The following FAAH2 variants were observed in gnomAD, a reference collection of about 807,000 sequenced individuals.
FAAH2 encodes the protein fatty acid amide hydrolase 2.
FAAH2 carries 60 observed loss-of-function variants against 36.9 expected under a neutral mutation model. The ratio of observed to expected loss-of-function variants is 1.63; its 90% CI spans 1.32 to 2.02. The LOEUF (loss-of-function observed/expected upper bound fraction) is 2.02, where lower values mean the gene tolerates loss of function less well. Among genes scored for constraint, FAAH2 ranks in the 30% most tolerant of loss-of-function variants. The probability of loss-of-function intolerance (pLI) is 0.00; values close to 1 mark genes in which losing one functional copy is unlikely to be tolerated. For missense variants in FAAH2, 689 were observed against 397.5 expected (o/e 1.73, Z -6.23); for synonymous variants, 214 against 143.8 (o/e 1.49, Z -3.49).
rs755479954 is a variant in FAAH2 at position 57,341,295 on chromosome X, C to G, written c.647C>G (p.Ala216Gly). The G allele has an allele frequency of 8.3e-7, 1 of 1,208,500 alleles. No homozygotes were observed. Among genetic ancestry groups the G allele is most frequent in the Non-Finnish European group, 1.1e-6 (1 of 893,618 alleles). Residue 216 changes from alanine (A) to glycine (G), a missense_variant, in exon 5 of 11, where the codon GCT (alanine) becomes GGT (glycine). Physicochemically the swap from Ala to Gly is moderately conservative, Grantham distance 60 (BLOSUM62 0). Transcript: ENST00000374900. ...SSGGEGCTLAAACSVIGVGSD... is the reference protein window; with the variant it reads ...SSGGEGCTLAGACSVIGVGSD... ...GGTGGTGAGGGCTGCACACTGGCAG[C>G]TGCCTGCTCAGTTATTGGTGTGGGC...
the FAAH2 span, among the ~76,000 whole-genome samples, chrX:57,262,219 G>A: frequency 9.9e-5 from 11 of 111,557 alleles, no homozygotes; most frequent in African/African-American, 1.9e-4. Flanking sequence ...TGACACATTG[G>A]TGAGTATACT....
chrX:57,286,955 G>C lies in FAAH2; in HGVS notation c.130G>C (p.Val44Leu). Residue 44 changes from valine to leucine, a missense_variant, in exon 1 of 11, where the codon GTG (valine) becomes CTG (leucine). By Grantham distance (32) the Val-to-Leu change is conservative. Transcript: ENST00000374900. The stretch of plus-strand genomic sequence containing the variant: ...GTTTGCCTCAAAGACCCCTCGGCCG[G>C]TGACTGAACCATTGCTTCTGCTTTC... ...PKFASKTPRPVTEPLLLLSGM... is the reference protein window; with the variant it reads ...PKFASKTPRPLTEPLLLLSGM... 8.3e-7 allele frequency: 1 copy of C among 1,203,079 alleles called. No homozygotes were observed.
intron 3 of FAAH2, among the ~76,000 whole-genome samples, chrX:57,327,197 G>A (rs139612666): frequency 0.34 from 33,434 of 98,463 alleles, 5,483 homozygotes; most frequent in Middle Eastern, 0.57. Flanking sequence ...TAGAGTTTCT[G>A]CCGAGAGATC....
In FAAH2 at chrX:57,473,867, C is replaced by A. The variant is rs780909010; in HGVS notation, c.1424-14890C>A. ...TTTGTTTTTCATTTGCATGGTGTAT[C>A]TTTTTCCACCGTTTTACTTTGAGTC... is the stretch of plus-strand genomic sequence containing the variant. On this transcript the variant is annotated intron_variant, in intron 10 of 10. Coordinates refer to ENST00000374900, the MANE Select transcript of FAAH2 (RefSeq NM_174912.4). Among the ~76,000 whole-genome samples, 3 of 111,110 alleles carry A rather than the reference C, an allele frequency of 2.7e-5. No individual in the cohort carries two copies. In the East Asian group the frequency reaches 8.5e-4, roughly 32 times the overall value.
At chrX:57,441,766 A>G (rs1466333721) in intron 8 of FAAH2, among the ~76,000 whole-genome samples, 1 of 110,672 alleles carries the variant, frequency 9.0e-6, no homozygotes, top group Non-Finnish European at 1.9e-5. Flanking sequence ...ATTTCCCTCT[A>G]CACACTGCTT....
chrX:57,154,593 T>A, the FAAH2 span, among the ~76,000 whole-genome samples: 1 of 110,610 alleles, frequency 9.0e-6, no homozygotes, highest in Non-Finnish European at 1.9e-5. Context: ...TTTTTATTTT[T>A]ATTTTTTTAA....
upstream of FAAH2, among the ~76,000 whole-genome samples, chrX:57,284,547 C>A (rs774831884): frequency 3.6e-5 from 4 of 111,548 alleles, no homozygotes; most frequent in Admixed American, 3.8e-4. Context: ...TCCACTTATA[C>A]GAGTTAGCTA....
At chrX:57,218,874 C>T in the FAAH2 span, among the ~76,000 whole-genome samples, 1 of 111,629 alleles carries the variant, frequency 9.0e-6, no homozygotes, top group Non-Finnish European at 1.9e-5. Context: ...ATTTAAATCT[C>T]GCTGCTTGTT....
intron 6 of FAAH2, among the ~76,000 whole-genome samples, chrX:57,380,321 T>C (rs756506502): frequency 8.1e-5 from 9 of 111,566 alleles, no homozygotes; most frequent in Non-Finnish European, 1.5e-4. Flanking sequence ...ATCTGCCTCT[T>C]CAGCTCACTT....
chrX:57,352,859 A>G (rs1416444556), intron 5 of FAAH2, among the ~76,000 whole-genome samples: 1 of 110,927 alleles, frequency 9.0e-6, no homozygotes, highest in Non-Finnish European at 1.9e-5. Context: ...TATGATAGTT[A>G]CAAAAACAAA....
At chrX:57,365,987 G>A (rs770532885) in intron 5 of FAAH2, among the ~76,000 whole-genome samples, 1 of 111,808 alleles carries the variant, frequency 8.9e-6, no homozygotes, top group African/African-American at 3.3e-5. Context: ...AGTTTCTCTT[G>A]TATGTTGATG....
chrX:57,185,106 T>C, the FAAH2 span, among the ~76,000 whole-genome samples: 2 of 111,318 alleles, frequency 1.8e-5, no homozygotes, highest in African/African-American at 3.3e-5. Context: ...CTTTTAGTCA[T>C]CTTTAAATGT....
the FAAH2 span, among the ~76,000 whole-genome samples, chrX:57,245,615 T>G: frequency 1.8e-5 from 2 of 111,954 alleles, no homozygotes; most frequent in Non-Finnish European, 3.8e-5. Flanking sequence ...ACAACCTGCT[T>G]CTGAATGACT....
intron 10 of FAAH2, among the ~76,000 whole-genome samples, chrX:57,473,300 A>G (rs1318770991): frequency 9.0e-6 from 1 of 111,459 alleles, no homozygotes; most frequent in Non-Finnish European, 1.9e-5. Flanking sequence ...ATTATTTAAG[A>G]ATAAGTTGTT....
In FAAH2 at chrX:57,292,495, CA is replaced by C; in HGVS notation, c.193-2del. ...CTGCTGACTAAAGTATTGTATTTTG[CA>C]GGTGAAATGTATAGATGTTGTTCAG... On this transcript the variant is annotated splice_acceptor_variant, in intron 1 of 10. Transcript: ENST00000374900. LOFTEE classifies it high-confidence loss of function. 8.3e-7 allele frequency: 1 copy of C among 1,198,541 alleles called. No homozygotes were observed. Among genetic ancestry groups the C allele is most frequent in the Non-Finnish European group, 1.1e-6 (1 of 887,354 alleles).
At chrX:57,416,006 T>C (rs963491766) in intron 7 of FAAH2, among the ~76,000 whole-genome samples, 1 of 111,611 alleles carries the variant, frequency 9.0e-6, no homozygotes, top group Non-Finnish European at 1.9e-5. Context: ...TTTTTAATCT[T>C]TGTTGGTTTA....
chrX:57,153,465 G>A, the FAAH2 span, among the ~76,000 whole-genome samples: 2 of 111,743 alleles, frequency 1.8e-5, no homozygotes, highest in Non-Finnish European at 3.8e-5. Flanking sequence ...GGTTCTGTGA[G>A]ATTTATGCTT....
intron 4 of FAAH2, among the ~76,000 whole-genome samples, chrX:57,335,425 C>A (rs2053521463): frequency 2.7e-5 from 3 of 112,165 alleles, no homozygotes; most frequent in Non-Finnish European, 5.6e-5. Context: ...GAACAAATGT[C>A]TCTGCATCAT....
At chrX:57,159,707 G>A in the FAAH2 span, among the ~76,000 whole-genome samples, 2 of 112,112 alleles carry the variant, frequency 1.8e-5, no homozygotes, top group Non-Finnish European at 3.8e-5. Context: ...AGACTTTGCT[G>A]AAGTTGCTTA....
Sources: gnomAD v4.1 joint callset for allele counts (sites outside exome capture counted in the v4.1 genomes callset) on GRCh38, gnomAD v4.1.1 for gene constraint, MANE v1.5 for transcripts, NCBI Gene and HGNC (gene_info 2026-07-23, HGNC 2026-07-21) for gene names.